PHKB: variants seen among roughly 807,000 people sequenced by gnomAD.
PHKB encodes the protein phosphorylase kinase regulatory subunit beta.
In PHKB, 122 loss-of-function variants were observed where a neutral mutation model predicts 152.1. That is an observed-to-expected ratio of 0.80 (90% CI 0.69 to 0.93). The LOEUF is 0.93. PHKB is among the 40% of genes least tolerant of loss of function. The pLI, the probability that PHKB is intolerant of heterozygous loss-of-function variation, is 0.00. For missense variants in PHKB, 1,304 were observed against 1,328.4 expected, an observed-to-expected ratio of 0.98 and a Z score of 0.29; for synonymous variants, 436 against 464.9, an observed-to-expected ratio of 0.94 and a Z score of 0.80.
Position 47,499,681 on chromosome 16 carries a change from A to G in PHKB, c.167-75A>G. On this transcript the variant is annotated intron_variant, in intron 2 of 30. Coordinates refer to ENST00000323584, the MANE Select transcript of PHKB (RefSeq NM_000293.3). Reference sequence around the variant, plus strand: ...CGTCAGAAGTGGGATGAGGAAACCAAAGAAGATTAAAACATTTAGCCCAAG... The same window carrying G: ...CGTCAGAAGTGGGATGAGGAAACCAGAGAAGATTAAAACATTTAGCCCAAG... 3.8e-6 allele frequency: 6 copies of G among 1,566,720 alleles called. No individual in the cohort carries two copies. In the South Asian group the frequency reaches 6.7e-5, roughly 17 times the overall value.
chr16:47,596,951 A>T (rs1159220736), intron 13 of PHKB, among the ~76,000 whole-genome samples: 2 of 152,158 alleles, frequency 1.3e-5, no homozygotes, highest in Non-Finnish European at 2.9e-5. Flanking sequence ...TCCAATAAAT[A>T]TATATTGGCA....
chr16:47,547,223 A>C (rs1971187507), intron 6 of PHKB, among the ~76,000 whole-genome samples: 1 of 152,094 alleles, frequency 6.6e-6, no homozygotes, highest in Non-Finnish European at 1.5e-5. Context: ...AGCTGTTCGT[A>C]TTCGGCTGTC....
At chr16:47,464,037 T>C in intron 1 of PHKB, 1 of 1,195,662 alleles carries the variant, frequency 8.4e-7, no homozygotes, top group Non-Finnish European at 1.3e-6. Flanking sequence ...TAATTTTAAA[T>C]ACCTTTGTTT....
intron 7 of PHKB, among the ~76,000 whole-genome samples, chr16:47,560,055 G>A (rs745782124): frequency 3.4e-4 from 52 of 152,196 alleles, no homozygotes; most frequent in Admixed American, 2.0e-3. Context: ...TTCACTAGCA[G>A]TGATATGCTA....
intron 6 of PHKB, among the ~76,000 whole-genome samples, chr16:47,543,123 T>A (rs1350679469): frequency 2.0e-5 from 3 of 152,236 alleles, no homozygotes; most frequent in Non-Finnish European, 4.4e-5. Flanking sequence ...TTCAGTGTGA[T>A]ATTGGCTGTG....
intron 26 of PHKB, among the ~76,000 whole-genome samples, chr16:47,680,453 T>A (rs542163790): frequency 6.6e-6 from 1 of 152,222 alleles, no homozygotes. Context: ...CAGAGCCTGT[T>A]ATTAGTCTAT....
chr16:47,497,514 T>G, intron 2 of PHKB, 26 bp downstream of exon 2: 1 of 1,291,694 alleles, frequency 7.7e-7, no homozygotes, highest in Non-Finnish European at 1.1e-6. Flanking sequence ...GGAAAACGTG[T>G]CCTTAGGTAT....
chr16:47,550,964 A>C (rs1262408490), intron 7 of PHKB, among the ~76,000 whole-genome samples: 1 of 152,112 alleles, frequency 6.6e-6, no homozygotes, highest in Non-Finnish European at 1.5e-5. Flanking sequence ...TGTGTCCAGC[A>C]ATTTATCCAT....
At chr16:47,485,826 G>A (rs1466350141) in intron 1 of PHKB, among the ~76,000 whole-genome samples, 2 of 151,886 alleles carry the variant, frequency 1.3e-5, no homozygotes, top group Non-Finnish European at 2.9e-5. Context: ...TCGCCATGTT[G>A]CCAAGGCCGA....
At chr16:47,556,082 T>C (rs985583232) in intron 7 of PHKB, among the ~76,000 whole-genome samples, 2 of 152,226 alleles carry the variant, frequency 1.3e-5, no homozygotes, top group African/African-American at 4.8e-5. Context: ...TGTCTGTTAT[T>C]GGTGTCTAAG....
intron 14 of PHKB, among the ~76,000 whole-genome samples, chr16:47,617,842 C>T (rs1404023843): frequency 6.6e-6 from 1 of 152,214 alleles, no homozygotes; most frequent in Non-Finnish European, 1.5e-5. Flanking sequence ...AGACTCTTAT[C>T]ACCCTTGCCA....
chr16:47,628,246 C>T (rs1972746657), intron 14 of PHKB, among the ~76,000 whole-genome samples: 1 of 152,130 alleles, frequency 6.6e-6, no homozygotes, highest in Non-Finnish European at 1.5e-5. Flanking sequence ...AAAAATAAAA[C>T]TACTGGCCGG....
intron 14 of PHKB, among the ~76,000 whole-genome samples, chr16:47,627,756 T>C (rs1014935786): frequency 6.6e-6 from 1 of 152,222 alleles, no homozygotes; most frequent in Admixed American, 6.5e-5. Flanking sequence ...TTTCCTCTGC[T>C]TTCCTATTAA....
intron 24 of PHKB, chr16:47,664,289 G>A (rs554041494): frequency 1.3e-5 from 2 of 158,068 alleles, no homozygotes; most frequent in Admixed American, 1.2e-4. Context: ...ACAATGGAGG[G>A]CCAATTCACA....
intron 26 of PHKB, among the ~76,000 whole-genome samples, chr16:47,679,468 C>T (rs926274401): frequency 3.9e-5 from 6 of 152,104 alleles, no homozygotes; most frequent in Non-Finnish European, 2.9e-5. Flanking sequence ...TGTAGTTCTC[C>T]TTGAAGAGGT....
At position 47,461,403 on chromosome 16, in the gene PHKB, G is replaced by A; in HGVS notation, c.53G>A (p.Arg18Gln). ...GAAGTGAGCTGGAAGGTCTTGGAGC[G>A]AAGAGCTCGGACCAAGCGCTCAGGT... is the stretch of plus-strand genomic sequence containing the variant. ...TAEVSWKVLE[R>Q]RARTKRSGSV... The change falls in exon 1 of 31, where the codon CGA becomes CAA. Residue 18 changes from arginine (R) to glutamine (Q), a missense_variant. Coordinates refer to ENST00000323584, the MANE Select transcript of PHKB (RefSeq NM_000293.3). 1 of 1,613,222 alleles carries A rather than the reference G, an allele frequency of 6.2e-7. No individual in the cohort carries two copies. The highest frequency in any genetic ancestry group is 8.5e-7 in the Non-Finnish European group (1 of 1,179,792).
chr16:47,578,643 A>G (rs1026058842), intron 7 of PHKB, among the ~76,000 whole-genome samples: 8 of 152,204 alleles, frequency 5.3e-5, no homozygotes, highest in African/African-American at 1.4e-4. Flanking sequence ...ATAGGGCAGG[A>G]GAAAAGGTGT....
chr16:47,667,937 C>T (rs1460293794), intron 25 of PHKB, among the ~76,000 whole-genome samples: 1 of 152,220 alleles, frequency 6.6e-6, no homozygotes, highest in Non-Finnish European at 1.5e-5. Flanking sequence ...GCTCATCACA[C>T]TAGCGTGTCT....
At position 47,596,426 on chromosome 16, in the gene PHKB, GA is replaced by G. The variant is rs1454293516; in HGVS notation, c.1265del (p.Asn422IlefsTer52). 2 of 1,612,150 alleles carry G rather than the reference GA, an allele frequency of 1.2e-6. No individual in the cohort carries two copies. The highest frequency in any genetic ancestry group is 1.3e-5 in the African/African-American group (1 of 74,854). ...TGTGCCAGCTGACTTTGTAGAATAT[GA>G]AAAAAATAACCCTGGTAGTCAAAAA... ...YYVPADFVEY[E>X]KNNPGSQKRF... is the part of the protein sequence containing the mutation. On this transcript the variant is annotated frameshift_variant, in exon 13 of 31. Transcript: ENST00000323584. LOFTEE classifies it high-confidence loss of function.
Sources: gnomAD v4.1 joint callset for allele counts (sites outside exome capture counted in the v4.1 genomes callset) on GRCh38, gnomAD v4.1.1 for gene constraint, MANE v1.5 for transcripts, NCBI Gene and HGNC (gene_info 2026-07-23, HGNC 2026-07-21) for gene names.